Variants in STMN3 observed in about 807,000 individuals in gnomAD.
STMN3 encodes the protein stathmin-3.
STMN3 carries 24 observed loss-of-function variants against 23.2 expected under a neutral mutation model. The ratio of observed to expected loss-of-function variants is 1.03; its 90% CI spans 0.75 to 1.45. The LOEUF is 1.45. Among genes scored for constraint, STMN3 ranks in the 40% most tolerant of loss-of-function variants. STMN3 has a pLI of 0.00. For synonymous variants in STMN3, 117 were observed against 103.4 expected (o/e 1.13, Z -0.80); for missense variants, 235 against 237.6 (o/e 0.99, Z 0.07).
chr20:63,640,612 G>A lies in STMN3; in HGVS notation c.*726C>T, dbSNP rs1321936613. 1.3e-4 allele frequency: 17 copies of A among 132,046 alleles called. No individual in the cohort carries two copies. Among genetic ancestry groups the A allele is most frequent in the Non-Finnish European group, 1.6e-5 (1 of 62,114 alleles). 8.2% of individuals were successfully genotyped at this position (132,046 alleles called of 1,614,324 possible). A position where few individuals can be genotyped will look rare whatever the true frequency, so the allele number is the denominator to read the frequency against. On this transcript the variant is annotated 3_prime_UTR_variant, in exon 5 of 5. Coordinates refer to ENST00000370053, the MANE Select transcript of STMN3 (RefSeq NM_015894.4). ...TTGGAACTCTTGCACTTCTGAGTGG[G>A]GGACTGTCCATGCTGCCCACAACCT...
chr20:63,643,091 G>A (rs1191226443), intron 3 of STMN3, among the ~76,000 whole-genome samples: 2 of 152,034 alleles, frequency 1.3e-5, no homozygotes, highest in Admixed American at 6.5e-5. Context: ...CTTCACACAT[G>A]AGGCCCTTCC....
chr20:63,649,600 G>A (rs954135277), intron 1 of STMN3, among the ~76,000 whole-genome samples: 1 of 151,920 alleles, frequency 6.6e-6, no homozygotes. Context: ...GTACAATCTC[G>A]GCTCACGGCA....
intron 2 of STMN3, 100 bp downstream of exon 2, chr20:63,644,114 G>A: frequency 7.3e-7 from 1 of 1,361,854 alleles, no homozygotes; most frequent in South Asian, 1.2e-5. Context: ...CCTCTCCAGA[G>A]GCAGCCAGGA....
Position 63,653,391 on chromosome 20 carries a change from G to A in STMN3, c.-46C>T. 1.3e-6 allele frequency: 2 copies of A among 1,533,498 alleles called. No individual in the cohort carries two copies. The highest frequency in any genetic ancestry group is 1.8e-6 in the Non-Finnish European group (2 of 1,140,422). The allele number at this position is 1,533,498 out of a possible 1,614,324, so 95.0% of individuals were successfully genotyped here. ...CTGCGGAGGCTGGAGAGGCGCAAGT[G>A]GCGGCCGGAGCTGCAGACGGCTGGT... is the stretch of plus-strand genomic sequence containing the variant. On this transcript the variant is annotated 5_prime_UTR_variant, in exon 1 of 5. Coordinates refer to ENST00000370053, the MANE Select transcript of STMN3 (RefSeq NM_015894.4).
At chr20:63,647,683 A>G (rs907530403) in intron 1 of STMN3, among the ~76,000 whole-genome samples, 1 of 94,146 alleles carries the variant, frequency 1.1e-5, no homozygotes, top group African/African-American at 3.1e-5. Context: ...ACGTATATAT[A>G]CACGTGTATA....
At chr20:63,643,027 G>C (rs1470592202) in intron 3 of STMN3, among the ~76,000 whole-genome samples, 4 of 152,056 alleles carry the variant, frequency 2.6e-5, no homozygotes, top group Non-Finnish European at 4.4e-5. Context: ...AGGGGACCTG[G>C]AGCCCACACC....
At chr20:63,643,275 T>A (rs2089783108) in intron 3 of STMN3, among the ~76,000 whole-genome samples, 2 of 152,050 alleles carry the variant, frequency 1.3e-5, no homozygotes, top group Admixed American at 1.3e-4. Context: ...ATCCCTTTCT[T>A]TTTTTGTTCT....
At chr20:63,643,979 G>A in intron 2 of STMN3, 48 bp from the exon 3 acceptor site, 1 of 1,578,820 alleles carries the variant, frequency 6.3e-7, no homozygotes, top group Non-Finnish European at 8.5e-7. Context: ...GCCAGGGCAT[G>A]GCGTGGGCTG....
intron 1 of STMN3, among the ~76,000 whole-genome samples, chr20:63,648,187 T>C (rs1452054007): frequency 6.6e-6 from 1 of 151,666 alleles, no homozygotes; most frequent in Non-Finnish European, 1.5e-5. Flanking sequence ...GCCAGCCATG[T>C]GTTCCACAGC....
intron 1 of STMN3, among the ~76,000 whole-genome samples, chr20:63,649,103 G>A (rs537362088): frequency 2.6e-5 from 4 of 152,266 alleles, no homozygotes; most frequent in South Asian, 4.1e-4. Flanking sequence ...TGATGGCCAC[G>A]GAGACCCCCT....
intron 2 of STMN3, 82 bp from the exon 3 acceptor site, chr20:63,644,013 C>T: frequency 6.4e-7 from 1 of 1,550,948 alleles, no homozygotes. Context: ...CAGCACACAT[C>T]CAACCCCAGG....
intron 3 of STMN3, among the ~76,000 whole-genome samples, chr20:63,643,405 C>T (rs1205121402): frequency 1.3e-5 from 2 of 152,182 alleles, no homozygotes; most frequent in African/African-American, 4.8e-5. Context: ...CCTCAGACTC[C>T]CTAGTAGGTG....
chr20:63,651,710 A>C (rs2089859956), intron 1 of STMN3, among the ~76,000 whole-genome samples: 1 of 152,186 alleles, frequency 6.6e-6, no homozygotes, highest in South Asian at 2.1e-4. Flanking sequence ...AGGTGCCAGC[A>C]CCGTCATCTC....
chr20:63,650,556 C>T (rs536145554), intron 1 of STMN3, among the ~76,000 whole-genome samples: 2 of 123,966 alleles, frequency 1.6e-5, no homozygotes, highest in Admixed American at 7.9e-5. Context: ...CCACCCCTCC[C>T]GTCGCCCAGG....
intron 1 of STMN3, among the ~76,000 whole-genome samples, chr20:63,647,432 T>C (rs1231813192): frequency 3.3e-5 from 5 of 149,488 alleles, no homozygotes; most frequent in Non-Finnish European, 7.4e-5. Context: ...CTGACCAACA[T>C]GATGAAACCC....
At chr20:63,650,474 G>A (rs1356571757) in intron 1 of STMN3, among the ~76,000 whole-genome samples, 7 of 130,074 alleles carry the variant, frequency 5.4e-5, no homozygotes, top group Non-Finnish European at 9.8e-5. Context: ...CCCACTCCCA[G>A]GGTCACACCT....
At position 63,641,132 on chromosome 20, in the gene STMN3, A is replaced by T; in HGVS notation, c.*206T>A. The T allele has an allele frequency of 1.6e-6, 1 of 630,692 alleles. No homozygotes were observed. The highest frequency in any genetic ancestry group is 2.9e-6 in the Non-Finnish European group (1 of 345,400). The allele number at this position is 630,692 out of a possible 1,614,324, so 39.1% of individuals were successfully genotyped here. ...TGTCTGCACCGAGGGACCGCGTCTC[A>T]CGCCCGGCGGCTCCTGCAGGGGAAG... is the stretch of plus-strand genomic sequence containing the variant. On this transcript the variant is annotated 3_prime_UTR_variant, in exon 5 of 5. Coordinates refer to ENST00000370053, the MANE Select transcript of STMN3 (RefSeq NM_015894.4).
intron 1 of STMN3, among the ~76,000 whole-genome samples, chr20:63,647,950 A>ATGTG (rs1569070242): frequency 2.7e-5 from 1 of 36,922 alleles, no homozygotes; most frequent in Non-Finnish European, 5.4e-5. Context: ...GTGTGTGTGT[A>ATGTG]TATATATATG....
intron 3 of STMN3, among the ~76,000 whole-genome samples, chr20:63,643,268 C>T (rs1359350032): frequency 6.6e-6 from 1 of 152,168 alleles, no homozygotes; most frequent in Non-Finnish European, 1.5e-5. Context: ...CCTCTCCATC[C>T]CTTTCTTTTT....
Sources: gnomAD v4.1 joint callset for allele counts (sites outside exome capture counted in the v4.1 genomes callset) on GRCh38, gnomAD v4.1.1 for gene constraint, MANE v1.5 for transcripts, NCBI Gene and HGNC (gene_info 2026-07-23, HGNC 2026-07-21) for gene names.